The following KNG1 variants were observed in gnomAD, a reference collection of about 807,000 sequenced individuals.
KNG1 encodes kininogen 1.
KNG1 carries 23 observed loss-of-function variants against 47.8 expected under a neutral mutation model. That is an observed-to-expected ratio of 0.48 (90% confidence interval 0.35 to 0.68). The LOEUF is 0.68. Among genes scored for constraint, KNG1 ranks in the 30% least tolerant of loss-of-function variants. The pLI, the probability that KNG1 is intolerant of heterozygous loss-of-function variation, is 0.01. For synonymous variants in KNG1, 277 were observed against 277.0 expected, an observed-to-expected ratio of 1.00 and a Z score of 0.00; for missense variants, 762 against 790.2, an observed-to-expected ratio of 0.96 and a Z score of 0.43.
In KNG1 at chr3:186,722,539, T is replaced by A; in HGVS notation, c.391+18T>A. On this transcript the variant is annotated intron_variant, in intron 3 of 9. Coordinates refer to ENST00000644859, the MANE Select transcript of KNG1 (RefSeq NM_001102416.3). ...TACTCCAGGTGGCTGGTTTATCCTC[T>A]GGCACTGCCCTGGTGGGAAATTAAC... 6.3e-7 allele frequency: 1 copy of A among 1,578,340 alleles called. No homozygotes were observed. The highest frequency in any genetic ancestry group is 8.7e-7 in the Non-Finnish European group (1 of 1,148,650).
chr3:186,724,448 G>A (rs147727727), intron 3 of KNG1, among the ~76,000 whole-genome samples: 8 of 152,176 alleles, frequency 5.3e-5, no homozygotes, highest in African/African-American at 1.9e-4. Context: ...ATTCTAACTG[G>A]GGTAAGATGA....
chr3:186,724,850 A>T (rs995487919), intron 3 of KNG1, among the ~76,000 whole-genome samples: 1 of 151,932 alleles, frequency 6.6e-6, no homozygotes, highest in South Asian at 2.1e-4. Flanking sequence ...TATCACATTC[A>T]GCTAATTTTT....
chr3:186,723,885 C>T (rs1720275768), intron 3 of KNG1, among the ~76,000 whole-genome samples: 1 of 152,120 alleles, frequency 6.6e-6, no homozygotes, highest in Admixed American at 6.6e-5. Context: ...AACTCCTGAC[C>T]TCAGGTGATC....
chr3:186,732,685 T>G lies in KNG1; in HGVS notation c.930+11T>G. 1.2e-6 allele frequency: 2 copies of G among 1,607,624 alleles called. No homozygotes were observed. Among genetic ancestry groups the G allele is most frequent in the South Asian group, 2.2e-5 (2 of 90,952 alleles). ...AAAGCAAGAGTACAGGTGTGTAAACTATACTACAAAAGCAGTAACACTATA... is the reference window on the plus strand; with the variant it reads ...AAAGCAAGAGTACAGGTGTGTAAACGATACTACAAAAGCAGTAACACTATA... On this transcript the variant is annotated intron_variant, in intron 7 of 9. Transcript: ENST00000644859.
intron 7 of KNG1, among the ~76,000 whole-genome samples, chr3:186,735,653 T>C: frequency 6.6e-6 from 1 of 151,726 alleles, no homozygotes; most frequent in Non-Finnish European, 1.5e-5. Context: ...ATTAAAAAAT[T>C]AGCTGGGTAT....
At chr3:186,726,296 T>G (rs28390219) in intron 4 of KNG1, among the ~76,000 whole-genome samples, 1 of 100,076 alleles carries the variant, frequency 1.0e-5, no homozygotes, top group East Asian at 3.3e-4. Flanking sequence ...TTTTTTTTTG[T>G]TTTTTGAGGA....
intron 2 of KNG1, 117 bp downstream of exon 2, chr3:186,720,332 C>T (rs1432150525): frequency 9.6e-6 from 7 of 730,906 alleles, no homozygotes; most frequent in South Asian, 6.0e-5. Flanking sequence ...TGCAAATAAA[C>T]ATTCCAATGT....
chr3:186,736,145 G>A (rs1447733799), intron 7 of KNG1: 2 of 152,262 alleles, frequency 1.3e-5, no homozygotes, highest in African/African-American at 4.8e-5. Flanking sequence ...ACACAAAGAG[G>A]TAACCCATCA....
chr3:186,743,512 A>G lies in KNG1; in HGVS notation c.*1181A>G. ...TAGCTACAATCATCTTTGGATGTAT[A>G]TGTCACTGCTGCTTCAAGTTATTGG... On this transcript the variant is annotated 3_prime_UTR_variant, in exon 10 of 10. Coordinates refer to ENST00000644859, the MANE Select transcript of KNG1 (RefSeq NM_001102416.3). 2.0e-5 allele frequency: 12 copies of G among 598,496 alleles called. No individual in the cohort carries two copies. The highest frequency in any genetic ancestry group is 2.0e-4 in the South Asian group (10 of 51,220). 37.1% of individuals were successfully genotyped at this position (598,496 alleles called of 1,614,324 possible).
chr3:186,728,941 C>T (rs1467228174), intron 5 of KNG1: 1 of 152,218 alleles, frequency 6.6e-6, no homozygotes, highest in African/African-American at 2.4e-5. Flanking sequence ...GTGTAAGCCA[C>T]TGCATCCGGC....
At chr3:186,722,307 CTCTT>C in intron 2 of KNG1, 126 bp from the exon 3 acceptor site, 2 of 736,032 alleles carry the variant, frequency 2.7e-6, no homozygotes, top group Middle Eastern at 5.3e-4. Flanking sequence ...TGTCTCAAAA[CTCTT>C]TTGGTAAAAT....
chr3:186,722,814 C>T (rs1720244800), intron 3 of KNG1, among the ~76,000 whole-genome samples: 1 of 152,210 alleles, frequency 6.6e-6, no homozygotes, highest in Admixed American at 6.5e-5. Flanking sequence ...TTGCAGGCAG[C>T]ATCCCAGATT....
At chr3:186,731,016 T>C (rs143989728) in intron 5 of KNG1, among the ~76,000 whole-genome samples, 1 of 152,206 alleles carries the variant, frequency 6.6e-6, no homozygotes, top group African/African-American at 2.4e-5. Flanking sequence ...TTTGATTCCA[T>C]GCCTTCTGGT....
At chr3:186,737,963 C>T (rs1209023039) in intron 7 of KNG1, among the ~76,000 whole-genome samples, 1 of 151,414 alleles carries the variant, frequency 6.6e-6, no homozygotes, top group Non-Finnish European at 1.5e-5. Context: ...AAAACTGTTG[C>T]TAGAGATTAA....
intron 7 of KNG1, among the ~76,000 whole-genome samples, chr3:186,735,023 C>T (rs1720633021): frequency 1.3e-5 from 2 of 152,108 alleles, no homozygotes; most frequent in Non-Finnish European, 2.9e-5. Context: ...TGTTTCTATC[C>T]CAGACACAAC....
In KNG1 at chr3:186,742,595, C is replaced by G. The variant is rs1054121819; in HGVS notation, c.*264C>G. ...ACAGTAAACAGACAAACTAATGTGC[C>G]GTATGGCCTGCTGCAATTGGCTTCT... On this transcript the variant is annotated 3_prime_UTR_variant, in exon 10 of 10. Coordinates refer to ENST00000644859, the MANE Select transcript of KNG1 (RefSeq NM_001102416.3). 2.3e-6 allele frequency: 3 copies of G among 1,290,988 alleles called. No individual in the cohort carries two copies. Among genetic ancestry groups the G allele is most frequent in the East Asian group, 3.5e-5 (1 of 28,754 alleles). 80.0% of individuals were successfully genotyped at this position (1,290,988 alleles called of 1,614,324 possible).
intron 4 of KNG1, among the ~76,000 whole-genome samples, chr3:186,726,643 A>C (rs918303889): frequency 6.6e-6 from 1 of 152,092 alleles, no homozygotes; most frequent in Non-Finnish European, 1.5e-5. Flanking sequence ...GCCTCTTATT[A>C]TGAGTGATTC....
At chr3:186,732,410 T>C (rs952286252) in intron 6 of KNG1, 92 bp from the exon 7 acceptor site, 1 of 1,234,108 alleles carries the variant, frequency 8.1e-7, no homozygotes, top group Non-Finnish European at 1.2e-6. Flanking sequence ...TGTAGCCCCT[T>C]ATACATGTGG....
chr3:186,725,203 C>T lies in KNG1; in HGVS notation c.507C>T (p.Asn169=), dbSNP rs2108623237. The change falls in exon 4 of 10, where the codon AAC becomes AAT. Residue 169 remains asparagine (N), a synonymous_variant. Transcript: ENST00000644859. ...ILRHGIQYFN[N]NTQHSSLFML... ...GACACGGCATTCAGTACTTTAACAA[C>T]AACACTCAACATTCCTCCCTCTTCA... 1.2e-6 allele frequency: 2 copies of T among 1,614,178 alleles called. No homozygotes were observed. The highest frequency in any genetic ancestry group is 1.6e-4 in the Middle Eastern group (1 of 6,062).
Sources: allele counts gnomAD v4.1 joint callset (sites outside exome capture counted in the v4.1 genomes callset), GRCh38; gene constraint gnomAD v4.1.1; transcripts MANE v1.5; gene names NCBI Gene and HGNC (gene_info 2026-07-23, HGNC 2026-07-21).